The following CNBD1 variants were observed in gnomAD, a reference collection of about 807,000 sequenced individuals.
CNBD1 encodes cyclic nucleotide binding domain containing 1.
CNBD1 carries 71 observed loss-of-function variants against 54.4 expected under a neutral mutation model. That is an observed-to-expected ratio of 1.30 (90% CI 1.08 to 1.59). The LOEUF is 1.59. Ranked by LOEUF, CNBD1 falls within the 40% of genes most tolerant of loss-of-function variation. The pLI is 0.00. For missense variants in CNBD1, 659 were observed against 518.0 expected (o/e 1.27, Z -2.64); for synonymous variants, 182 against 170.7 (o/e 1.07, Z -0.51).
intron 10 of CNBD1, among the ~76,000 whole-genome samples, chr8:87,376,376 G>A (rs1033184521): frequency 6.6e-6 from 1 of 151,654 alleles, no homozygotes; most frequent in Non-Finnish European, 1.5e-5. Context: ...CTAAGGGCTC[G>A]GCCCTCAGCA....
At chr8:87,083,261 A>G (rs145118853) in intron 4 of CNBD1, among the ~76,000 whole-genome samples, 5 of 152,290 alleles carry the variant, frequency 3.3e-5, no homozygotes, top group African/African-American at 9.6e-5. Flanking sequence ...TTGCACCTGT[A>G]TATAATCTCT....
intron 4 of CNBD1, among the ~76,000 whole-genome samples, chr8:87,005,436 A>C (rs531454412): frequency 6.6e-6 from 1 of 152,258 alleles, no homozygotes; most frequent in South Asian, 2.1e-4. Context: ...ATTTGAAATA[A>C]TTTAACTTAA....
chr8:87,028,765 G>T (rs918591016), intron 4 of CNBD1, among the ~76,000 whole-genome samples: 1 of 152,180 alleles, frequency 6.6e-6, no homozygotes, highest in South Asian at 2.1e-4. Flanking sequence ...CCTAAGTGTT[G>T]TTTCCTAAGG....
intron 3 of CNBD1, among the ~76,000 whole-genome samples, chr8:86,929,234 G>A (rs1006910438): frequency 5.9e-5 from 9 of 152,160 alleles, no homozygotes; most frequent in Non-Finnish European, 1.0e-4. Flanking sequence ...AGTATTTAAT[G>A]GGGGTTCCCT....
chr8:87,425,314 G>A (rs560765415), intron 2 of CNBD1, among the ~76,000 whole-genome samples: 1 of 152,102 alleles, frequency 6.6e-6, no homozygotes, highest in African/African-American at 2.4e-5. Flanking sequence ...GCCTTCTTCT[G>A]TCAGCTCGTC....
intron 4 of CNBD1, among the ~76,000 whole-genome samples, chr8:87,008,329 G>A (rs1194573715): frequency 6.6e-6 from 1 of 152,096 alleles, no homozygotes; most frequent in Non-Finnish European, 1.5e-5. Flanking sequence ...TTTGTTACAT[G>A]CTTAATTTAG....
intron 4 of CNBD1, among the ~76,000 whole-genome samples, chr8:87,099,191 A>C (rs1811381813): frequency 6.6e-6 from 1 of 152,072 alleles, no homozygotes; most frequent in Non-Finnish European, 1.5e-5. Context: ...TTGTTTTAAA[A>C]ATGGAGAAAG....
chr8:87,261,218 A>C (rs11775589), intron 6 of CNBD1, among the ~76,000 whole-genome samples: 6,085 of 152,182 alleles, frequency 0.04, 160 homozygotes, highest in Non-Finnish European at 0.058. Context: ...CAGAGAGCTC[A>C]AAACACAAAT....
At chr8:87,119,598 C>T (rs1811850291) in intron 4 of CNBD1, among the ~76,000 whole-genome samples, 1 of 151,996 alleles carries the variant, frequency 6.6e-6, no homozygotes, top group African/African-American at 2.4e-5. Flanking sequence ...ATTGCTCTTG[C>T]TAGGACTCCC....
At position 87,163,098 on chromosome 8, in the gene CNBD1, A is replaced by G. The variant is rs1812890683; in HGVS notation, c.432-42895A>G. Among the ~76,000 whole-genome samples, 1 of 152,058 alleles carries G rather than the reference A, an allele frequency of 6.6e-6. No homozygotes were observed. The highest frequency in any genetic ancestry group is 1.5e-5 in the Non-Finnish European group (1 of 67,994). The stretch of plus-strand genomic sequence containing the variant: ...CCAAAGTACACAGTCTTAGGTATTA[A>G]TATTTTGTTATAGCAGCACAAATGA... On this transcript the variant is annotated intron_variant, in intron 4 of 10. Transcript: ENST00000518476. This position sits in a 1 kb window ranked among gnomAD's most constrained non-coding sequence, Gnocchi z 4.5.
At chr8:86,964,292 C>T (rs1332248240) in intron 4 of CNBD1, among the ~76,000 whole-genome samples, 1 of 152,162 alleles carries the variant, frequency 6.6e-6, no homozygotes, top group Non-Finnish European at 1.5e-5. Context: ...TAAGGGCTTC[C>T]TTTTCCATTC....
chr8:87,070,538 A>T (rs1380086468), intron 4 of CNBD1, among the ~76,000 whole-genome samples: 1 of 152,128 alleles, frequency 6.6e-6, no homozygotes. Flanking sequence ...TGCTCTCTCA[A>T]AAATACTATG....
At chr8:87,192,066 G>A (rs950343881) in intron 4 of CNBD1, among the ~76,000 whole-genome samples, 1 of 152,086 alleles carries the variant, frequency 6.6e-6, no homozygotes, top group Non-Finnish European at 1.5e-5. Flanking sequence ...AGAGGGAAGA[G>A]TCTGTTCTAT....
intron 8 of CNBD1, among the ~76,000 whole-genome samples, chr8:87,349,637 A>T (rs1681191696): frequency 6.6e-6 from 1 of 152,182 alleles, no homozygotes; most frequent in African/African-American, 2.4e-5. Flanking sequence ...GGCCTCCCAA[A>T]GTGCTGGGAT....
chr8:87,088,251 T>C (rs1051664817), intron 4 of CNBD1, among the ~76,000 whole-genome samples: 1 of 152,216 alleles, frequency 6.6e-6, no homozygotes, highest in African/African-American at 2.4e-5. Context: ...TAGAGGTTAA[T>C]GCACTACTAA....
At chr8:87,144,316 A>G (rs189037518) in intron 4 of CNBD1, among the ~76,000 whole-genome samples, 3 of 152,214 alleles carry the variant, frequency 2.0e-5, no homozygotes, top group Non-Finnish European at 4.4e-5. Flanking sequence ...TACTTTAGGA[A>G]ACACAATTAC....
chr8:87,001,720 A>G (rs1318521685), intron 4 of CNBD1, among the ~76,000 whole-genome samples: 4 of 152,154 alleles, frequency 2.6e-5, no homozygotes, highest in Admixed American at 1.3e-4. Context: ...GGGAATGCTC[A>G]GTTTTTTTCT....
intron 4 of CNBD1, among the ~76,000 whole-genome samples, chr8:87,031,832 C>G (rs1809800048): frequency 6.6e-6 from 1 of 152,136 alleles, no homozygotes. Flanking sequence ...ACTCCACCCC[C>G]CAGGTTCAAG....
chr8:87,172,833 C>G (rs922879243), intron 4 of CNBD1, among the ~76,000 whole-genome samples: 2 of 151,862 alleles, frequency 1.3e-5, no homozygotes, highest in Non-Finnish European at 2.9e-5. Context: ...TTCAGACATT[C>G]TATGTATTTT....
Sources: allele counts gnomAD v4.1 joint callset (sites outside exome capture counted in the v4.1 genomes callset), GRCh38; gene constraint gnomAD v4.1.1; non-coding constraint Gnocchi (gnomAD v3.1); transcripts MANE v1.5; gene names NCBI Gene and HGNC (gene_info 2026-07-23, HGNC 2026-07-21).